PLS3: variants seen among roughly 807,000 people sequenced by gnomAD.
PLS3 encodes the protein plastin 3, also known as plastin-3.
Under a neutral mutation model 46.5 loss-of-function variants are expected in PLS3, and 11 were observed. The ratio of observed to expected loss-of-function variants is 0.24; its 90% CI spans 0.15 to 0.39. PLS3 has a LOEUF of 0.39. PLS3 is among the 10% of genes least tolerant of loss of function. The pLI is 1.00. For synonymous variants in PLS3, 167 were observed against 162.2 expected, an observed-to-expected ratio of 1.03 and a Z score of -0.22; for missense variants, 308 against 461.8, an observed-to-expected ratio of 0.67 and a Z score of 3.05.
chrX:115,629,660 G>T (rs2074744759), intron 4 of PLS3, among the ~76,000 whole-genome samples, 175 bp from the exon 5 acceptor site: 1 of 111,341 alleles, frequency 9.0e-6, no homozygotes, highest in African/African-American at 3.3e-5. Flanking sequence ...TCTTAATTTT[G>T]TAATTCCTAA....
intron 5 of PLS3, among the ~76,000 whole-genome samples, chrX:115,630,584 A>G (rs1219055835): frequency 9.4e-6 from 1 of 106,895 alleles, no homozygotes; most frequent in Non-Finnish European, 1.9e-5. Flanking sequence ...CCACATTATT[A>G]TACTTATCTC....
chrX:115,562,607 T>C (rs962235719), intron 1 of PLS3: 5 of 110,644 alleles, frequency 4.5e-5, no homozygotes, highest in Non-Finnish European at 9.4e-5. Flanking sequence ...GTAAAAACCA[T>C]TGAGGGGCAA....
Position 115,643,400 on chromosome X carries a change from G to A in PLS3, c.1075G>A (p.Val359Ile), listed in dbSNP as rs1556641267. 8.4e-7 allele frequency: 1 copy of A among 1,190,342 alleles called. No homozygotes were observed. The highest frequency in any genetic ancestry group is 3.0e-5 in the East Asian group (1 of 33,715). ...ACAGTTTGTTACCCCTGCTGATGTT[G>A]TCAGTGGAAACCCCAAACTCAACTT... is the stretch of plus-strand genomic sequence containing the variant. ...CRQFVTPADVVSGNPKLNLAF... is the reference protein window; with the variant it reads ...CRQFVTPADVISGNPKLNLAF... The change falls in exon 10 of 16, where the codon GTC becomes ATC. Residue 359 changes from valine to isoleucine, a missense_variant. Physicochemically the swap from Val to Ile is conservative, Grantham distance 29. Coordinates refer to ENST00000355899, the MANE Select transcript of PLS3 (RefSeq NM_005032.7).
At chrX:115,586,990 A>G (rs1172862125) in intron 1 of PLS3, among the ~76,000 whole-genome samples, 1 of 112,583 alleles carries the variant, frequency 8.9e-6, no homozygotes, top group Non-Finnish European at 1.9e-5. Flanking sequence ...CTTCATAAAT[A>G]TTACTGAATA....
chrX:115,613,827 A>G (rs1556636407), intron 2 of PLS3, among the ~76,000 whole-genome samples: 1 of 112,008 alleles, frequency 8.9e-6, no homozygotes, highest in African/African-American at 3.2e-5. Flanking sequence ...CATGCACTAG[A>G]TGCGTTCCTG....
intron 2 of PLS3, chrX:115,610,996 G>T: frequency 2.0e-6 from 1 of 507,037 alleles, no homozygotes; most frequent in South Asian, 2.9e-5. Flanking sequence ...AAAACAGGGT[G>T]AGAACAGCCT....
intron 1 of PLS3, among the ~76,000 whole-genome samples, chrX:115,563,626 G>T: frequency 8.9e-6 from 1 of 112,090 alleles, no homozygotes; most frequent in East Asian, 2.8e-4. Context: ...AGATATTTAA[G>T]AGATTCTGAC....
At chrX:115,635,819 G>A (rs967201663) in intron 7 of PLS3, among the ~76,000 whole-genome samples, 1 of 107,244 alleles carries the variant, frequency 9.3e-6, no homozygotes, top group Non-Finnish European at 1.9e-5. Flanking sequence ...GCGGAACCCC[G>A]TCTCTACAAA....
rs138843076 is a variant in PLS3, at chrX:115,601,725, C to T, written c.-8-8518C>T. Reference sequence around the variant, plus strand: ...TATGACGGAAGAATCTCAGATATTGCAAGGCAAGAATCCAGAGGGATGGGT... The same window carrying T: ...TATGACGGAAGAATCTCAGATATTGTAAGGCAAGAATCCAGAGGGATGGGT... On this transcript the variant is annotated intron_variant, in intron 1 of 15. Transcript: ENST00000355899. Among the ~76,000 whole-genome samples the T allele has an allele frequency of 6.8e-3, 755 of 111,170 alleles. 8 individuals are homozygous for T. The highest frequency in any genetic ancestry group is 0.023 in the African/African-American group (710 of 30,623).
chrX:115,630,870 T>C lies in PLS3; in HGVS notation c.500+903T>C, dbSNP rs1026958128. On this transcript the variant is annotated intron_variant, in intron 5 of 15. Coordinates refer to ENST00000355899, the MANE Select transcript of PLS3 (RefSeq NM_005032.7). ...GTATAATATATGTATATTATACATG[T>C]ATATATGTATATATATGTATAATAT... 1.3e-4 allele frequency among the ~76,000 whole-genome samples: 12 copies of C among 95,425 alleles called. No homozygotes were observed. The East Asian group carries it at 2.1e-3, about 17-fold the overall frequency. The allele number at this position is 95,425 out of a possible 115,157, so 82.9% of individuals were successfully genotyped here.
intron 2 of PLS3, among the ~76,000 whole-genome samples, chrX:115,620,332 C>T (rs1175619194): frequency 1.8e-5 from 2 of 111,194 alleles, no homozygotes; most frequent in Admixed American, 1.9e-4. Context: ...TTTTCTCTAC[C>T]CGAAATCTCT....
chrX:115,640,343 T>C, intron 8 of PLS3, 65 bp from the exon 9 acceptor site: 1 of 759,734 alleles, frequency 1.3e-6, no homozygotes. Flanking sequence ...CTTCCAAACA[T>C]GGGACAATAG....
intron 1 of PLS3, among the ~76,000 whole-genome samples, chrX:115,592,437 C>T (rs1354911463): frequency 9.0e-6 from 1 of 111,649 alleles, no homozygotes; most frequent in African/African-American, 3.3e-5. Context: ...CAGGGTCACA[C>T]AGACTTACAG....
intron 1 of PLS3, among the ~76,000 whole-genome samples, chrX:115,601,144 A>C (rs1206736895): frequency 1.8e-5 from 2 of 110,142 alleles, no homozygotes; most frequent in African/African-American, 6.6e-5. Flanking sequence ...GGTGAAGAGC[A>C]TTCCACTGGA....
At chrX:115,579,780 T>G (rs782435926) in intron 1 of PLS3, among the ~76,000 whole-genome samples, 1 of 111,694 alleles carries the variant, frequency 9.0e-6, no homozygotes, top group South Asian at 3.8e-4. Context: ...TTGCCCGGGC[T>G]GGAGTGCAGT....
At chrX:115,593,308 T>A (rs1333584450) in intron 1 of PLS3, among the ~76,000 whole-genome samples, 3 of 108,277 alleles carry the variant, frequency 2.8e-5, no homozygotes, top group Non-Finnish European at 3.8e-5. Context: ...AACTTTAAAT[T>A]CCCCTGAGTC....
intron 1 of PLS3, among the ~76,000 whole-genome samples, chrX:115,606,748 T>A (rs1210887901): frequency 9.0e-6 from 1 of 111,598 alleles, no homozygotes; most frequent in Non-Finnish European, 1.9e-5. Context: ...TATGTCGTAT[T>A]TTTGTAATGG....
intron 1 of PLS3, among the ~76,000 whole-genome samples, chrX:115,594,541 T>C (rs1481453311): frequency 5.4e-5 from 6 of 111,109 alleles, no homozygotes; most frequent in African/African-American, 2.0e-4. Flanking sequence ...ATATAGTGAT[T>C]TGAGTTGTAG....
chrX:115,573,533 T>G (rs1432502063), intron 1 of PLS3, among the ~76,000 whole-genome samples: 1 of 112,436 alleles, frequency 8.9e-6, no homozygotes, highest in Admixed American at 9.5e-5. Flanking sequence ...GAAATATTCA[T>G]GTATGCAGAA....
Sources: allele counts gnomAD v4.1 joint callset (sites outside exome capture counted in the v4.1 genomes callset), GRCh38; gene constraint gnomAD v4.1.1; transcripts MANE v1.5; gene names NCBI Gene and HGNC (gene_info 2026-07-23, HGNC 2026-07-21).